The following RPAP1 variants were observed in gnomAD, a reference collection of about 807,000 sequenced individuals.
The protein encoded by RPAP1 is RNA polymerase II associated protein 1.
Under a neutral mutation model 142.4 loss-of-function variants are expected in RPAP1, and 109 were observed. The observed-to-expected ratio is 0.77, with a 90% CI of 0.66 to 0.90. RPAP1 has a LOEUF of 0.90. Ranked by LOEUF, RPAP1 falls within the 40% of genes least tolerant of loss-of-function variation. RPAP1 has a pLI of 0.00. For missense variants in RPAP1, 1,546 were observed against 1,751.7 expected (o/e 0.88, Z 2.10); for synonymous variants, 704 against 738.9 (o/e 0.95, Z 0.77).
intron 11 of RPAP1, 72 bp downstream of exon 11, chr15:41,527,788 G>A (rs2051809165): frequency 1.3e-6 from 2 of 1,578,966 alleles, no homozygotes; most frequent in Admixed American, 1.8e-5. Context: ...TTAGCAATGG[G>A]GCCATGCCCA....
Position 41,535,643 on chromosome 15 carries a change from A to G in RPAP1, c.421-11T>C, listed in dbSNP as rs2051899203. Reference sequence around the variant, plus strand: ...TGTTGCTGATTTCCCCTGTGGGGCAAAAAGAAAACCCAGGTTACTGATGCT... The same window carrying G: ...TGTTGCTGATTTCCCCTGTGGGGCAGAAAGAAAACCCAGGTTACTGATGCT... On this transcript the variant is annotated splice_polypyrimidine_tract_variant and intron_variant, in intron 4 of 24. Coordinates refer to ENST00000304330, the MANE Select transcript of RPAP1 (RefSeq NM_015540.4). 6.2e-7 allele frequency: 1 copy of G among 1,609,332 alleles called. No individual in the cohort carries two copies. The highest frequency in any genetic ancestry group is 8.5e-7 in the Non-Finnish European group (1 of 1,178,686).
intron 1 of RPAP1, among the ~76,000 whole-genome samples, chr15:41,542,944 G>A (rs1380807259): frequency 1.3e-5 from 2 of 152,106 alleles, no homozygotes; most frequent in Non-Finnish European, 2.9e-5. Flanking sequence ...TAGATGAACT[G>A]AGAATCCATA....
In RPAP1 at chr15:41,527,519, G is replaced by A. The variant is rs375076705; in HGVS notation, c.1515C>T (p.Asp505=). 8.1e-5 allele frequency: 130 copies of A among 1,613,660 alleles called. No homozygotes were observed. The African/African-American group carries it at 1.6e-3, about 20-fold the overall frequency. The change falls in exon 12 of 25, where the codon GAC becomes GAT. Residue 505 remains aspartate, a synonymous_variant. Coordinates refer to ENST00000304330, the MANE Select transcript of RPAP1 (RefSeq NM_015540.4). ...TTCCTGCTGGGCATTCTTCATCCTC[G>A]TCCTCATCCTCCTTGTCCTCCTGGC... ...MPSQEDKEDE[D]EDEECPAGKA...
intron 21 of RPAP1, among the ~76,000 whole-genome samples, chr15:41,521,396 C>A (rs995878300): frequency 6.6e-6 from 1 of 152,214 alleles, no homozygotes; most frequent in Non-Finnish European, 1.5e-5. Context: ...ATAATAGTAT[C>A]TATCTCATGG....
At chr15:41,542,521 A>G (rs1346004447) in intron 1 of RPAP1, among the ~76,000 whole-genome samples, 1 of 152,244 alleles carries the variant, frequency 6.6e-6, no homozygotes, top group Non-Finnish European at 1.5e-5. Flanking sequence ...TAAATTTGGC[A>G]TAGAACTTGT....
Position 41,523,276 on chromosome 15 carries a change from G to T in RPAP1, c.2515C>A (p.Pro839Thr). The change falls in exon 18 of 25, where the codon CCC (proline) becomes ACC (threonine). Residue 839 changes from proline to threonine, a missense_variant. By Grantham distance (38) the Pro-to-Thr change is conservative. Around this residue, in one of 3 missense-constraint regions of RPAP1, gnomAD observed 1,333 missense variants for 1,486.6 expected, o/e 0.90. Coordinates refer to ENST00000304330, the MANE Select transcript of RPAP1 (RefSeq NM_015540.4). ...GAATCCCACAGGCTGCCCAGTGTGGGCTGACTCAGCAGTGGCAGCAGCAGC... is the reference window on the plus strand; with the variant it reads ...GAATCCCACAGGCTGCCCAGTGTGGTCTGACTCAGCAGTGGCAGCAGCAGC... ...EELLLPLLSQPTLGSLWDSLR... is the reference protein window; with the variant it reads ...EELLLPLLSQTTLGSLWDSLR... 6.2e-7 allele frequency: 1 copy of T among 1,611,396 alleles called. No individual in the cohort carries two copies.
intron 22 of RPAP1, among the ~76,000 whole-genome samples, chr15:41,519,368 C>T (rs2051701516): frequency 6.6e-6 from 1 of 151,788 alleles, no homozygotes; most frequent in Non-Finnish European, 1.5e-5. Context: ...CCACGACACC[C>T]GGCTAATTTT....
intron 18 of RPAP1, 41 bp downstream of exon 18, chr15:41,523,204 C>T: frequency 7.3e-7 from 1 of 1,368,042 alleles, no homozygotes; most frequent in African/African-American, 1.5e-5. Flanking sequence ...AAGAAATTGC[C>T]TCCTCCCCTG....
chr15:41,523,397 C>T (rs1255564354), intron 17 of RPAP1, 43 bp from the exon 18 acceptor site: 2 of 1,296,956 alleles, frequency 1.5e-6, no homozygotes, highest in Non-Finnish European at 2.2e-6. Flanking sequence ...CCCAGCCATT[C>T]ATTCTCCTAG....
intron 15 of RPAP1, among the ~76,000 whole-genome samples, chr15:41,524,695 C>T (rs1391645146): frequency 3.3e-5 from 5 of 152,024 alleles, no homozygotes; most frequent in East Asian, 3.9e-4. Flanking sequence ...AGGATGGTCT[C>T]GAACTCCTGA....
chr15:41,538,502 T>C (rs1413190063), intron 1 of RPAP1, among the ~76,000 whole-genome samples: 1 of 133,306 alleles, frequency 7.5e-6, no homozygotes, highest in Non-Finnish European at 1.6e-5. Context: ...GATCAGAGGC[T>C]TAGAGGATAA....
intron 5 of RPAP1, 129 bp from the exon 6 acceptor site, chr15:41,535,064 C>T (rs1207409815): frequency 3.3e-5 from 27 of 827,454 alleles, no homozygotes; most frequent in Non-Finnish European, 4.6e-5. Flanking sequence ...AGAGTGGAGA[C>T]CCCACTGGGT....
At chr15:41,529,721 T>G (rs2051828899) in intron 8 of RPAP1, 143 bp downstream of exon 8, 1 of 837,340 alleles carries the variant, frequency 1.2e-6, no homozygotes. Flanking sequence ...CCAGGCAGAG[T>G]GATGGTAAAG....
intron 6 of RPAP1, among the ~76,000 whole-genome samples, chr15:41,532,049 TCTCA>T (rs1004563160): frequency 6.8e-6 from 1 of 146,386 alleles, no homozygotes; most frequent in African/African-American, 2.5e-5. Context: ...TGAGACAGAG[TCTCA>T]CTCTGTCGCC....
intron 22 of RPAP1, 184 bp from the exon 23 acceptor site, chr15:41,518,366 G>C: frequency 1.9e-6 from 1 of 515,756 alleles, no homozygotes; most frequent in Non-Finnish European, 3.3e-6. Context: ...GGGAAAACTG[G>C]GAACTGAGAA....
At chr15:41,530,966 A>G in intron 7 of RPAP1, 57 bp downstream of exon 7, 1 of 1,526,550 alleles carries the variant, frequency 6.6e-7, no homozygotes, top group Non-Finnish European at 9.0e-7. Flanking sequence ...GGCCTAGGAA[A>G]AGGGACAATT....
At chr15:41,535,058 T>G (rs1664104739) in intron 5 of RPAP1, 123 bp from the exon 6 acceptor site, 1 of 879,574 alleles carries the variant, frequency 1.1e-6, no homozygotes, top group Admixed American at 2.8e-5. Context: ...TTCCTCAGAG[T>G]GGAGACCCCA....
intron 20 of RPAP1, 21 bp downstream of exon 20, chr15:41,522,077 C>G (rs1595480857): frequency 1.9e-6 from 3 of 1,611,248 alleles, no homozygotes; most frequent in African/African-American, 1.3e-5. Flanking sequence ...ACAGGAGAAC[C>G]TGTCAGACAG....
At position 41,522,243 on chromosome 15, in the gene RPAP1, G is replaced by A; in HGVS notation, c.2750C>T (p.Ala917Val). ...IHKGLCGQLA[A>V]ILAAPGLQNY... ...CTGGAGTCCCGGGGCAGCCAATATGGCAGCCAGCTGAGGAAAAGCAATTTT... is the reference window on the plus strand; with the variant it reads ...CTGGAGTCCCGGGGCAGCCAATATGACAGCCAGCTGAGGAAAAGCAATTTT... The change falls in exon 20 of 25, where the codon GCC (alanine) becomes GTC (valine). Residue 917 changes from alanine (A) to valine (V), a missense_variant. Physicochemically the swap from Ala to Val is moderately conservative, Grantham distance 64. Transcript: ENST00000304330. 1 of 1,613,718 alleles carries A rather than the reference G, an allele frequency of 6.2e-7. No individual in the cohort carries two copies. Among genetic ancestry groups the A allele is most frequent in the Non-Finnish European group, 8.5e-7 (1 of 1,179,936 alleles).
Sources: allele counts gnomAD v4.1 joint callset (sites outside exome capture counted in the v4.1 genomes callset), GRCh38; gene constraint gnomAD v4.1.1; regional missense constraint gnomAD v4.1.1; transcripts MANE v1.5; gene names NCBI Gene and HGNC (gene_info 2026-07-23, HGNC 2026-07-21).